RMDN2: variants seen among roughly 807,000 people sequenced by gnomAD.
RMDN2 encodes the protein regulator of microtubule dynamics 2.
In RMDN2, 61 loss-of-function variants were observed where a neutral mutation model predicts 52.8. The observed-to-expected ratio is 1.16, with a 90% CI of 0.94 to 1.43. RMDN2 has a LOEUF of 1.43. Among genes scored for constraint, RMDN2 ranks in the 40% most tolerant of loss-of-function variants. RMDN2 has a pLI of 0.00. For synonymous variants in RMDN2, 180 were observed against 153.1 expected (o/e 1.18, Z -1.30); for missense variants, 592 against 475.3 (o/e 1.25, Z -2.28).
chr2:37,996,788 T>G (rs1372663133), intron 7 of RMDN2, among the ~76,000 whole-genome samples: 1 of 151,954 alleles, frequency 6.6e-6, no homozygotes, highest in African/African-American at 2.4e-5. Flanking sequence ...GAGCAAAACT[T>G]TTTAGAAGAA....
At chr2:37,995,021 G>C (rs566846307) in intron 7 of RMDN2, among the ~76,000 whole-genome samples, 3 of 152,122 alleles carry the variant, frequency 2.0e-5, no homozygotes, top group Non-Finnish European at 4.4e-5. Flanking sequence ...GGGTATGAGA[G>C]AACTTTTTAG....
At position 37,965,166 on chromosome 2, in the gene RMDN2, T is replaced by A. The variant is rs76605507; in HGVS notation, c.453-8874T>A. Among the ~76,000 whole-genome samples the A allele has an allele frequency of 9.1e-4, 138 of 152,250 alleles. 2 individuals are homozygous for A. In the East Asian group the frequency reaches 0.022, roughly 25 times the overall value. ...GGACAGCATATCGTTAAATCCCAAT[T>A]TTTAAAACCCATTCTGCCAATATAC... On this transcript the variant is annotated intron_variant, in intron 2 of 10. Transcript: ENST00000354545.
downstream of RMDN2, among the ~76,000 whole-genome samples, chr2:38,017,898 G>A (rs1306465642): frequency 6.6e-6 from 1 of 152,160 alleles, no homozygotes; most frequent in Non-Finnish European, 1.5e-5. Context: ...TGGGTAGGTA[G>A]TGGAAGATTA....
chr2:38,053,719 G>A (rs530581161), intron 10 of RMDN2, among the ~76,000 whole-genome samples: 35 of 152,156 alleles, frequency 2.3e-4, no homozygotes, highest in South Asian at 8.3e-4. Context: ...TGAGCTATTT[G>A]ATCTTATTCA....
chr2:38,021,615 C>T (rs186327924), downstream of RMDN2, among the ~76,000 whole-genome samples: 49 of 152,232 alleles, frequency 3.2e-4, 2 homozygotes, highest in East Asian at 9.3e-3. Flanking sequence ...TACCACTCAC[C>T]GCGAGGGTCC....
chr2:38,004,835 C>T (rs1466820250), intron 10 of RMDN2, among the ~76,000 whole-genome samples: 1 of 151,924 alleles, frequency 6.6e-6, no homozygotes, highest in Non-Finnish European at 1.5e-5. Flanking sequence ...TCTCCTAATG[C>T]TATCCCTCCC....
At chr2:38,053,071 G>T (rs974987678) in intron 10 of RMDN2, among the ~76,000 whole-genome samples, 3 of 152,146 alleles carry the variant, frequency 2.0e-5, no homozygotes, top group African/African-American at 7.2e-5. Flanking sequence ...TTAATTCATT[G>T]TGAGATTAAA....
chr2:38,057,925 C>T (rs1001721807), intron 10 of RMDN2, among the ~76,000 whole-genome samples: 4 of 152,176 alleles, frequency 2.6e-5, no homozygotes, highest in Admixed American at 6.5e-5. Flanking sequence ...CCTGCAGAAC[C>T]GTGAACCAAT....
chr2:37,965,019 C>G (rs765158292), intron 2 of RMDN2, among the ~76,000 whole-genome samples: 1 of 152,016 alleles, frequency 6.6e-6, no homozygotes, highest in East Asian at 1.9e-4. Context: ...GACTTAAAGT[C>G]TATTTTGTCT....
At chr2:38,051,710 ACTCT>A in intron 10 of RMDN2, among the ~76,000 whole-genome samples, 1 of 151,724 alleles carries the variant, frequency 6.6e-6, no homozygotes, top group East Asian at 1.9e-4. Flanking sequence ...ATTTCATTCT[ACTCT>A]CTCTCTCTAC....
chr2:38,056,040 C>T (rs139906169), intron 10 of RMDN2, among the ~76,000 whole-genome samples: 74 of 152,256 alleles, frequency 4.9e-4, no homozygotes, highest in African/African-American at 1.5e-3. Flanking sequence ...CAAACACATA[C>T]GTGTGCTCCC....
At chr2:37,975,988 C>T (rs7562903) in intron 4 of RMDN2, among the ~76,000 whole-genome samples, 2,252 of 152,282 alleles carry the variant, frequency 0.015, 53 homozygotes, top group African/African-American at 0.051. Context: ...GGACAAGTGT[C>T]TTCAGCAGTT....
At chr2:37,997,706 A>G (rs953886188) in intron 8 of RMDN2, 192 bp downstream of exon 8, 3 of 548,146 alleles carry the variant, frequency 5.5e-6, no homozygotes, top group Admixed American at 6.6e-5. Context: ...TAGAACAACT[A>G]GTTATGCCCT....
rs77898764 is a variant in RMDN2, at chr2:37,958,911, T to A, written c.453-15129T>A. On this transcript the variant is annotated intron_variant, in intron 2 of 10. Transcript: ENST00000354545. ...TTGTGATAATCAATAGATCATCTCA[T>A]TGGTCTCACTTGTCATTGATTCTGT... 1.1e-3 allele frequency among the ~76,000 whole-genome samples: 159 copies of A among 150,928 alleles called. 2 individuals carry two copies. In the East Asian group the frequency reaches 0.026, roughly 25 times the overall value.
At chr2:38,005,286 C>T (rs1054293429) in intron 10 of RMDN2, among the ~76,000 whole-genome samples, 3 of 152,244 alleles carry the variant, frequency 2.0e-5, no homozygotes, top group Non-Finnish European at 2.9e-5. Flanking sequence ...CACTGACTTG[C>T]ACAACGGTTG....
chr2:37,989,188 CTT>C (rs904188040), intron 5 of RMDN2, among the ~76,000 whole-genome samples: 6 of 152,024 alleles, frequency 3.9e-5, no homozygotes, highest in Non-Finnish European at 7.4e-5. Context: ...TGTGATTAGA[CTT>C]TTTCTGAGAG....
intron 10 of RMDN2, chr2:38,066,753 A>G (rs955371147): frequency 5.8e-6 from 3 of 514,022 alleles, no homozygotes; most frequent in African/African-American, 1.9e-5. Flanking sequence ...ACTGGCCCCA[A>G]TTATAATTAT....
At chr2:37,935,482 C>T (rs1161620469) in intron 2 of RMDN2, among the ~76,000 whole-genome samples, 1 of 152,172 alleles carries the variant, frequency 6.6e-6, no homozygotes, top group Non-Finnish European at 1.5e-5. Context: ...ATATGCCTTG[C>T]TGTTATAGTT....
At chr2:38,022,413 C>T (rs1049237613), downstream of RMDN2, among the ~76,000 whole-genome samples, 7 of 152,286 alleles carry the variant, frequency 4.6e-5, no homozygotes, top group Admixed American at 3.3e-4. Flanking sequence ...GCAGAGTGTT[C>T]CTGAAATGAG....
Sources: allele counts gnomAD v4.1 joint callset (sites outside exome capture counted in the v4.1 genomes callset), GRCh38; gene constraint gnomAD v4.1.1; transcripts MANE v1.5; gene names NCBI Gene and HGNC (gene_info 2026-07-23, HGNC 2026-07-21).